ROS1: variants seen among roughly 807,000 people sequenced by gnomAD.
ROS1 encodes the protein proto-oncogene tyrosine-protein kinase ROS.
In ROS1, 263 loss-of-function variants were observed where a neutral mutation model predicts 273.5. That is an observed-to-expected ratio of 0.96 (90% CI 0.87 to 1.06). The LOEUF (loss-of-function observed/expected upper bound fraction) is 1.06, where lower values mean the gene tolerates loss of function less well. Ranked by LOEUF, ROS1 falls within the 50% of genes least tolerant of loss-of-function variation. The probability of loss-of-function intolerance (pLI) is 0.00; values close to 1 mark genes in which losing one functional copy is unlikely to be tolerated. For synonymous variants in ROS1, 1,008 were observed against 954.1 expected (o/e 1.06, Z -1.04); for missense variants, 2,833 against 2,751.1 (o/e 1.03, Z -0.67).
chr6:117,379,763 A>G (rs1377771897), intron 17 of ROS1, among the ~76,000 whole-genome samples: 1 of 152,132 alleles, frequency 6.6e-6, no homozygotes, highest in African/African-American at 2.4e-5. Flanking sequence ...CGTGCCACCA[A>G]TGGTTTAAAC....
chr6:117,337,184 A>T lies in ROS1; in HGVS notation c.5218T>A (p.Phe1740Ile), dbSNP rs773762930. 1 of 1,611,800 alleles carries T rather than the reference A, an allele frequency of 6.2e-7. No homozygotes were observed. The highest frequency in any genetic ancestry group is 8.5e-7 in the Non-Finnish European group (1 of 1,178,786). The change falls in exon 32 of 44, where the codon TTT becomes ATT. Residue 1740 changes from phenylalanine (F) to isoleucine (I), a missense_variant. Transcript: ENST00000368507. ...GENSTSLPES[F>I]KTKAGVPNKP... ...TGTTAGTACTCACCTTTTGTCTTAA[A>T]GCTTTCTGGAAGTGAGGTGCTATTT...
At chr6:117,335,831 T>A (rs1475890791) in intron 32 of ROS1, among the ~76,000 whole-genome samples, 2 of 152,034 alleles carry the variant, frequency 1.3e-5, no homozygotes, top group African/African-American at 2.4e-5. Flanking sequence ...CACCAGGGCC[T>A]GTTGAGGGAT....
chr6:117,405,062 T>A (rs1562373958), intron 5 of ROS1, among the ~76,000 whole-genome samples: 3 of 152,176 alleles, frequency 2.0e-5, no homozygotes, highest in Admixed American at 2.0e-4. Flanking sequence ...GTCACTGGGA[T>A]GAAATGATTT....
intron 43 of ROS1, chr6:117,299,412 G>A (rs909745971): frequency 5.9e-5 from 6 of 101,668 alleles, no homozygotes; most frequent in African/African-American, 1.6e-4. Context: ...CTGATCACCA[G>A]GGTTGATTCA....
At chr6:117,407,715 T>A (rs1774532281) in intron 5 of ROS1, among the ~76,000 whole-genome samples, 1 of 152,198 alleles carries the variant, frequency 6.6e-6, no homozygotes, top group African/African-American at 2.4e-5. Context: ...GAAAAACTAC[T>A]TTAAAGTTCA....
rs905402237 is a variant in ROS1 at position 117,403,250 on chromosome 6, T to C, written c.493A>G (p.Lys165Glu). Residue 165 changes from lysine to glutamate, a missense_variant, in exon 7 of 44, where the codon AAG (lysine) becomes GAG (glutamate). Transcript: ENST00000368507. ...KTVSRPSYVVKPLHPFTEYIF... is the reference protein window; with the variant it reads ...KTVSRPSYVVEPLHPFTEYIF... Reference sequence around the variant, plus strand: ...TACTCAGTGAAGGGGTGCAGGGGCTTGACCACATAGGACGGTCTGGACACA... The same window carrying C: ...TACTCAGTGAAGGGGTGCAGGGGCTCGACCACATAGGACGGTCTGGACACA... 2.5e-6 allele frequency: 4 copies of C among 1,612,112 alleles called. No individual in the cohort carries two copies. The highest frequency in any genetic ancestry group is 3.4e-6 in the Non-Finnish European group (4 of 1,179,594).
intron 39 of ROS1, among the ~76,000 whole-genome samples, chr6:117,312,420 G>A (rs1198713127): frequency 6.6e-6 from 1 of 151,956 alleles, no homozygotes; most frequent in African/African-American, 2.4e-5. Flanking sequence ...CCACACCTAG[G>A]GCTAATAACT....
chr6:117,297,709 G>T (rs1294263765), intron 43 of ROS1, among the ~76,000 whole-genome samples: 2 of 152,048 alleles, frequency 1.3e-5, no homozygotes, highest in Non-Finnish European at 2.9e-5. Context: ...TTACTAAAAA[G>T]TCAAAAATAA....
chr6:117,324,875 A>C (rs1776527141), intron 34 of ROS1, among the ~76,000 whole-genome samples: 2 of 152,156 alleles, frequency 1.3e-5, no homozygotes, highest in African/African-American at 4.8e-5. Flanking sequence ...CGTAGGCCAG[A>C]GTCTGGCAAA....
rs139808546 is a variant in ROS1, at chr6:117,322,665, C to T, written c.5624-1271G>A. 3.6e-4 allele frequency among the ~76,000 whole-genome samples: 55 copies of T among 152,292 alleles called. No individual in the cohort carries two copies. In the East Asian group the frequency reaches 9.9e-3, roughly 27 times the overall value. On this transcript the variant is annotated intron_variant, in intron 35 of 43. Transcript: ENST00000368507. The stretch of plus-strand genomic sequence containing the variant: ...AAATTGTCTAATTTTATGTTTATAA[C>T]TGATGAGTGCCCTCAGCACAATACA...
intron 37 of ROS1, among the ~76,000 whole-genome samples, chr6:117,318,687 G>A (rs186519419): frequency 7.9e-4 from 120 of 152,206 alleles, no homozygotes; most frequent in African/African-American, 2.7e-3. Flanking sequence ...GGAAATTGGG[G>A]TGGTCATATA....
In ROS1 at chr6:117,363,006, T is replaced by A. The variant is rs1779933035; in HGVS notation, c.3104-141A>T. 1.6e-5 allele frequency: 12 copies of A among 751,424 alleles called. No individual in the cohort carries two copies. In the South Asian group the frequency reaches 2.5e-4, roughly 16 times the overall value. 46.5% of individuals were successfully genotyped at this position (751,424 alleles called of 1,614,324 possible). A position where few individuals can be genotyped will look rare whatever the true frequency, so the allele number is the denominator to read the frequency against. On this transcript the variant is annotated intron_variant, in intron 21 of 43. Transcript: ENST00000368507. ...AGTTGCAGTATATTTATTACATTCT[T>A]AAAGATCTTCAGGAGAGAATATTCC...
intron 28 of ROS1, 105 bp from the exon 29 acceptor site, chr6:117,342,649 T>A (rs1778039714): frequency 1.4e-6 from 1 of 729,128 alleles, no homozygotes; most frequent in Non-Finnish European, 2.1e-6. Context: ...CTCAAAAAAA[T>A]TAATTTATTT....
At chr6:117,423,279 T>C (rs1002355089) in intron 1 of ROS1, among the ~76,000 whole-genome samples, 3 of 152,074 alleles carry the variant, frequency 2.0e-5, no homozygotes, top group African/African-American at 7.2e-5. Context: ...TGTAACCAAA[T>C]AGCACCTGTT....
chr6:117,389,798 A>C lies in ROS1; in HGVS notation c.1338T>G (p.Pro446=). 6.2e-7 allele frequency: 1 copy of C among 1,613,922 alleles called. No homozygotes were observed. ...LRDGIYRADL[P]VPSGRCAEAV... ...CTTCTGCACACCGGCCAGATGGTAC[A>C]GGAAGGTCTGCTCTATAAATGCCAT... Residue 446 remains proline (P), a synonymous_variant, in exon 13 of 44, where the codon CCT becomes CCG. Coordinates refer to ENST00000368507, the MANE Select transcript of ROS1 (RefSeq NM_001378902.1).
At chr6:117,401,217 G>T (rs548975377) in intron 7 of ROS1, among the ~76,000 whole-genome samples, 111 of 152,174 alleles carry the variant, frequency 7.3e-4, no homozygotes, top group African/African-American at 2.5e-3. Flanking sequence ...TGACTTGCTT[G>T]GCCTCCTAAC....
At chr6:117,367,176 C>T (rs542374213) in intron 18 of ROS1, among the ~76,000 whole-genome samples, 4 of 152,136 alleles carry the variant, frequency 2.6e-5, no homozygotes, top group South Asian at 4.2e-4. Flanking sequence ...AGTTAGCCTA[C>T]GGATGTGAAG....
chr6:117,402,241 G>A (rs187681201), intron 7 of ROS1, among the ~76,000 whole-genome samples: 2 of 152,240 alleles, frequency 1.3e-5, no homozygotes, highest in East Asian at 1.9e-4. Context: ...GTTCAGCCAC[G>A]TGGGCCTTCT....
In ROS1 at chr6:117,403,192, T is replaced by C; in HGVS notation, c.551A>G (p.Gln184Arg). ...IFRVVWIFTA[Q>R]LQLYSPPSPS... ...ACTTGGAGGGGAGTAGAGCTGCAGC[T>C]GCGCTGTGAAGATCCAAACCACTCG... The change falls in exon 7 of 44, where the codon CAG (glutamine) becomes CGG (arginine). Residue 184 changes from glutamine to arginine, a missense_variant. Gln to Arg is a conservative substitution (Grantham distance 43, BLOSUM62 1). Transcript: ENST00000368507. 2.5e-6 allele frequency: 4 copies of C among 1,612,764 alleles called. No homozygotes were observed. The highest frequency in any genetic ancestry group is 3.4e-6 in the Non-Finnish European group (4 of 1,179,622).
Sources: allele counts gnomAD v4.1 joint callset (sites outside exome capture counted in the v4.1 genomes callset), GRCh38; gene constraint gnomAD v4.1.1; transcripts MANE v1.5; gene names NCBI Gene and HGNC (gene_info 2026-07-23, HGNC 2026-07-21).